Variants in ITPR2 observed in about 807,000 individuals in gnomAD.
ITPR2 encodes inositol 1,4,5-trisphosphate-gated calcium channel ITPR2.
Under a neutral mutation model 317.1 loss-of-function variants are expected in ITPR2, and 207 were observed. The ratio of observed to expected loss-of-function variants is 0.65; its 90% confidence interval spans 0.58 to 0.73. ITPR2 has a LOEUF of 0.73. Among genes scored for constraint, ITPR2 ranks in the 30% least tolerant of loss-of-function variants. The pLI, the probability that ITPR2 is intolerant of heterozygous loss-of-function variation, is 0.00. For synonymous variants in ITPR2, 1,156 were observed against 1,149.1 expected, an observed-to-expected ratio of 1.01 and a Z score of -0.12; for missense variants, 2,613 against 3,284.0, an observed-to-expected ratio of 0.80 and a Z score of 4.99.
intron 34 of ITPR2, among the ~76,000 whole-genome samples, chr12:26,571,063 G>A (rs1591914726): frequency 6.6e-6 from 1 of 152,260 alleles, no homozygotes; most frequent in Admixed American, 6.5e-5. Context: ...TCACTTAAAA[G>A]CTTGTATCTT....
chr12:26,569,415 G>A (rs913241480), intron 34 of ITPR2, among the ~76,000 whole-genome samples: 3 of 151,852 alleles, frequency 2.0e-5, no homozygotes, highest in Non-Finnish European at 4.4e-5. Context: ...TTAGCCGGGT[G>A]TGGCAGCACG....
intron 45 of ITPR2, among the ~76,000 whole-genome samples, chr12:26,459,375 C>T (rs1446400801): frequency 6.6e-6 from 1 of 152,214 alleles, no homozygotes; most frequent in Non-Finnish European, 1.5e-5. Context: ...GCTATTCTGA[C>T]TCTACTGTGC....
intron 55 of ITPR2, among the ~76,000 whole-genome samples, chr12:26,375,471 A>G (rs187450805): frequency 1.3e-5 from 2 of 152,256 alleles, no homozygotes; most frequent in East Asian, 3.9e-4. Context: ...TGACCACACC[A>G]CCTCTAGGTT....
intron 37 of ITPR2, among the ~76,000 whole-genome samples, chr12:26,499,430 C>A (rs901481907): frequency 2.6e-5 from 4 of 152,174 alleles, no homozygotes; most frequent in Non-Finnish European, 4.4e-5. Flanking sequence ...CCCTCTATGC[C>A]ATATACTAAC....
rs373065728 is a variant in ITPR2, at chr12:26,622,378, G to A, written c.3150C>T (p.Asp1050=). ...GTAAAAACGTCCTGCCTCCTTCATC[G>A]TCAAGTTGAACTGGATTTTTTTCTT... ...GRKEKNPVQL[D]DEGGRTFLRV... is the part of the protein sequence containing the mutation. The change falls in exon 25 of 57, where the codon GAC becomes GAT. Residue 1050 remains aspartate, a synonymous_variant. Coordinates refer to ENST00000381340, the MANE Select transcript of ITPR2 (RefSeq NM_002223.4). The A allele has an allele frequency of 4.0e-5, 64 of 1,604,700 alleles. No homozygotes were observed. In the African/African-American group the frequency reaches 6.0e-4, roughly 15 times the overall value.
intron 1 of ITPR2, among the ~76,000 whole-genome samples, chr12:26,802,554 TATATCTATATATAGATATAGATATAG>T (rs1292185681): frequency 2.0e-4 from 26 of 133,330 alleles, no homozygotes; most frequent in African/African-American, 5.5e-4. Context: ...GAGATATATA[TATATCTATATATAGATATAGATATAG>T]ATATATCTAT....
chr12:26,397,110 C>A (rs1292224481), intron 54 of ITPR2, among the ~76,000 whole-genome samples: 1 of 151,970 alleles, frequency 6.6e-6, no homozygotes, highest in South Asian at 2.1e-4. Context: ...AAAAAATAGA[C>A]CCTGCAGTGT....
At chr12:26,412,155 G>A (rs1204410560) in intron 51 of ITPR2, among the ~76,000 whole-genome samples, 1 of 152,156 alleles carries the variant, frequency 6.6e-6, no homozygotes, top group Non-Finnish European at 1.5e-5. Flanking sequence ...GACAAGGGTA[G>A]GTCCAGTTGT....
intron 2 of ITPR2, among the ~76,000 whole-genome samples, chr12:26,768,317 T>C (rs1306338960): frequency 6.6e-6 from 1 of 150,824 alleles, no homozygotes; most frequent in African/African-American, 2.4e-5. Context: ...TAATGATAGA[T>C]GACACGTTGG....
chr12:26,561,818 T>G lies in ITPR2; in HGVS notation c.4765A>C (p.Lys1589Gln). Reference sequence around the variant, plus strand: ...CAAGCAGGCCCTCCAAGAGCTTCCTTAAAGCGTGGCCCAGAGCGAGCTGAT... The same window carrying G: ...CAAGCAGGCCCTCCAAGAGCTTCCTGAAAGCGTGGCCCAGAGCGAGCTGAT... ...RLSARSGPRF[K>Q]EALGGPAWDY... The change falls in exon 35 of 57, where the codon AAG becomes CAG. Residue 1589 changes from lysine (K) to glutamine (Q), a missense_variant. Physicochemically the swap from Lys to Gln is moderately conservative, Grantham distance 53. This residue lies in a region of ITPR2 where 926 missense variants were observed against 1,072.8 expected (regional missense o/e 0.86). Coordinates refer to ENST00000381340, the MANE Select transcript of ITPR2 (RefSeq NM_002223.4). 6.3e-7 allele frequency: 1 copy of G among 1,594,068 alleles called. No homozygotes were observed. Among genetic ancestry groups the G allele is most frequent in the Non-Finnish European group, 8.5e-7 (1 of 1,174,906 alleles).
rs1274731249 is a variant in ITPR2, at chr12:26,336,043, TCAACTATTA to T, written c.*3345_*3353del. 6.6e-6 allele frequency: 1 copy of T among 152,240 alleles called. No homozygotes were observed. The highest frequency in any genetic ancestry group is 2.4e-5 in the African/African-American group (1 of 41,462). 9.4% of individuals were successfully genotyped at this position (152,240 alleles called of 1,614,324 possible). A position where few individuals can be genotyped will look rare whatever the true frequency, so the allele number is the denominator to read the frequency against. The stretch of plus-strand genomic sequence containing the variant: ...GGGTGAGGGGTATCTCTGGGGTCCA[TCAACTATTA>T]CATCATGATGCCTGTGCAATATTTA... On this transcript the variant is annotated 3_prime_UTR_variant, in exon 57 of 57. Coordinates refer to ENST00000381340, the MANE Select transcript of ITPR2 (RefSeq NM_002223.4).
At chr12:26,824,753 A>G (rs1950986244) in intron 1 of ITPR2, among the ~76,000 whole-genome samples, 1 of 152,190 alleles carries the variant, frequency 6.6e-6, no homozygotes, top group Admixed American at 6.5e-5. Flanking sequence ...CTCACCATAA[A>G]GGGTCAACCA....
chr12:26,781,990 C>CTATATATATA (rs1491564819), intron 2 of ITPR2, among the ~76,000 whole-genome samples: 2 of 60,318 alleles, frequency 3.3e-5, no homozygotes, highest in Admixed American at 2.5e-4. Flanking sequence ...ATAAACTCCC[C>CTATATATATA]TGTATATATA....
intron 2 of ITPR2, among the ~76,000 whole-genome samples, chr12:26,768,480 C>A (rs1949771921): frequency 2.4e-5 from 2 of 82,460 alleles, no homozygotes; most frequent in East Asian, 3.0e-4. Context: ...TTTTGTGCAA[C>A]TCAAAAAAAA....
chr12:26,558,110 TAAAAG>T (rs1944713047), intron 35 of ITPR2, among the ~76,000 whole-genome samples: 1 of 152,164 alleles, frequency 6.6e-6, no homozygotes, highest in African/African-American at 2.4e-5. Flanking sequence ...TGAAAACAAT[TAAAAG>T]AGACTAATGG....
At chr12:26,569,965 T>A (rs922660017) in intron 34 of ITPR2, among the ~76,000 whole-genome samples, 3 of 152,170 alleles carry the variant, frequency 2.0e-5, no homozygotes, top group Admixed American at 6.5e-5. Flanking sequence ...GAAAACAACA[T>A]AAATATCCAA....
At chr12:26,383,364 T>C (rs1939566984) in intron 55 of ITPR2, among the ~76,000 whole-genome samples, 1 of 152,116 alleles carries the variant, frequency 6.6e-6, no homozygotes, top group Non-Finnish European at 1.5e-5. Context: ...CTTTAATGGA[T>C]ATTAGTATAA....
intron 39 of ITPR2, among the ~76,000 whole-genome samples, chr12:26,488,513 T>C (rs1223583759): frequency 1.3e-5 from 2 of 152,156 alleles, no homozygotes; most frequent in African/African-American, 2.4e-5. Flanking sequence ...ACACAGAGTG[T>C]CTTATGAAGC....
rs1940544793 is a variant in ITPR2 at position 26,411,410 on chromosome 12, T to G, written c.7309A>C (p.Ser2437Arg). 3 of 1,607,798 alleles carry G rather than the reference T, an allele frequency of 1.9e-6. No homozygotes were observed. Among genetic ancestry groups the G allele is most frequent in the Non-Finnish European group, 2.6e-6 (3 of 1,174,622 alleles). ...RLKNRTPVTG[S>R]HQVPTMTLTT... ...AAAGTCATAGTAGGCACTTGATGAC[T>G]GCCTAAGAAAATACAAAGTAGTATA... The change falls in exon 52 of 57, where the codon AGT becomes CGT. Residue 2437 changes from serine to arginine, a missense_variant and splice_region_variant. Ser to Arg is a moderately radical substitution (Grantham distance 110). Around this residue, in one of 9 missense-constraint regions of ITPR2, gnomAD observed 113 missense variants for 129.2 expected, o/e 0.87. Coordinates refer to ENST00000381340, the MANE Select transcript of ITPR2 (RefSeq NM_002223.4).
Sources: allele counts gnomAD v4.1 joint callset (sites outside exome capture counted in the v4.1 genomes callset), GRCh38; gene constraint gnomAD v4.1.1; regional missense constraint gnomAD v4.1.1; transcripts MANE v1.5; gene names NCBI Gene and HGNC (gene_info 2026-07-23, HGNC 2026-07-21).